Variants in SLC44A5 observed in about 807,000 individuals in gnomAD.
SLC44A5 encodes solute carrier family 44 member 5, also known as choline transporter-like protein 5.
In SLC44A5, 57 loss-of-function variants were observed where a neutral mutation model predicts 101.8. The ratio of observed to expected loss-of-function variants is 0.56; its 90% CI spans 0.45 to 0.70. The LOEUF (loss-of-function observed/expected upper bound fraction) is 0.70. SLC44A5 is among the 30% of genes least tolerant of loss of function. The probability of loss-of-function intolerance (pLI) is 0.00; values close to 1 mark genes in which losing one functional copy is unlikely to be tolerated. For synonymous variants in SLC44A5, 281 were observed against 290.9 expected (o/e 0.97, Z 0.35); for missense variants, 737 against 853.1 (o/e 0.86, Z 1.70).
intron 4 of SLC44A5, among the ~76,000 whole-genome samples, chr1:75,331,287 C>G (rs1251643427): frequency 1.3e-5 from 2 of 152,116 alleles, no homozygotes; most frequent in South Asian, 2.1e-4. Flanking sequence ...TTAACACAGG[C>G]AAAACAGAAG....
the SLC44A5 span, among the ~76,000 whole-genome samples, chr1:75,665,687 C>A: frequency 6.6e-6 from 1 of 152,098 alleles, no homozygotes; most frequent in Admixed American, 6.6e-5. Context: ...AAAATATTCG[C>A]AAACTATACA....
In SLC44A5 at chr1:75,282,687, G is replaced by A. The variant is rs528616202; in HGVS notation, c.176-7645C>T. On this transcript the variant is annotated intron_variant, in intron 5 of 23. Coordinates refer to ENST00000370859, the MANE Select transcript of SLC44A5 (RefSeq NM_001130058.2). ...CTGTTCTTGTGATAGTGAACAGCAA[G>A]TGAACCATACAGATCATGAGATCTA... Among the ~76,000 whole-genome samples, 60 of 152,280 alleles carry A rather than the reference G, an allele frequency of 3.9e-4. 1 individual carries two copies. The South Asian group carries it at 0.012, about 32-fold the overall frequency.
At chr1:75,432,294 T>C (rs1231002268) in intron 2 of SLC44A5, among the ~76,000 whole-genome samples, 2 of 152,152 alleles carry the variant, frequency 1.3e-5, no homozygotes, top group Non-Finnish European at 2.9e-5. Context: ...GCTTCTTTTA[T>C]CCCACTATGA....
chr1:75,367,714 G>A, intron 3 of SLC44A5, among the ~76,000 whole-genome samples: 1 of 152,190 alleles, frequency 6.6e-6, no homozygotes, highest in East Asian at 1.9e-4. Flanking sequence ...TAGGGGGATG[G>A]AGCTGTTTCC....
At chr1:75,576,659 C>A (rs748791952) in intron 1 of SLC44A5, among the ~76,000 whole-genome samples, 4 of 152,164 alleles carry the variant, frequency 2.6e-5, no homozygotes, top group Non-Finnish European at 2.9e-5. Flanking sequence ...TCTAAGCTAT[C>A]GCAAGTCCTA....
chr1:75,391,700 A>G (rs1661799522), intron 3 of SLC44A5, among the ~76,000 whole-genome samples: 2 of 152,296 alleles, frequency 1.3e-5, no homozygotes, highest in South Asian at 2.1e-4. Flanking sequence ...CCTCCTACCT[A>G]TCACCATATA....
the SLC44A5 span, among the ~76,000 whole-genome samples, chr1:75,627,812 C>G: frequency 0.012 from 1,780 of 150,502 alleles, 21 homozygotes; most frequent in Middle Eastern, 0.027. Context: ...CTAAGTTTTC[C>G]CATTTGCACA....
At chr1:75,536,822 C>T (rs57968487) in intron 2 of SLC44A5, among the ~76,000 whole-genome samples, 4 of 142,410 alleles carry the variant, frequency 2.8e-5, no homozygotes, top group South Asian at 2.2e-4. Flanking sequence ...CCGGCTAAAA[C>T]GGTGAAACCC....
chr1:75,236,996 C>A lies in SLC44A5; in HGVS notation c.731G>T (p.Trp244Leu). ...VFEDYARTWY[W>L]ILIGLTIAMV... is the part of the protein sequence containing the mutation. The stretch of plus-strand genomic sequence containing the variant: ...ATGTGTTTTCACTTACATGAGAATC[C>A]AATACCAAGTTCTTGCATAGTCTTC... Residue 244 changes from tryptophan to leucine, a missense_variant, in exon 11 of 24, where the codon TGG becomes TTG. By Grantham distance (61) the Trp-to-Leu change is moderately conservative. Coordinates refer to ENST00000370859, the MANE Select transcript of SLC44A5 (RefSeq NM_001130058.2). 1.0e-5 allele frequency: 16 copies of A among 1,587,072 alleles called. No homozygotes were observed. Among genetic ancestry groups the A allele is most frequent in the Non-Finnish European group, 1.4e-5 (16 of 1,159,032 alleles).
chr1:75,356,378 CAT>C (rs539699392), intron 3 of SLC44A5, among the ~76,000 whole-genome samples: 28 of 151,860 alleles, frequency 1.8e-4, no homozygotes, highest in African/African-American at 5.5e-4. Context: ...CCTAGGCTAA[CAT>C]GTATGTTTGT....
At chr1:75,466,655 T>TAA (rs754658767) in intron 2 of SLC44A5, among the ~76,000 whole-genome samples, 128 of 88,398 alleles carry the variant, frequency 1.4e-3, no homozygotes, top group African/African-American at 5.1e-3. Flanking sequence ...GATGCCATCT[T>TAA]AAAAAAAAAA....
chr1:75,543,690 TATATATAC>T (rs1171699817), intron 1 of SLC44A5, among the ~76,000 whole-genome samples: 8 of 14,490 alleles, frequency 5.5e-4, no homozygotes, highest in Non-Finnish European at 7.0e-4. Context: ...TATATACACA[TATATATAC>T]ATATATATAT....
At chr1:75,401,954 G>A (rs1352859070) in intron 2 of SLC44A5, among the ~76,000 whole-genome samples, 1 of 152,080 alleles carries the variant, frequency 6.6e-6, no homozygotes, top group East Asian at 1.9e-4. Flanking sequence ...AGTTAGAGAC[G>A]GCCCAGAGAA....
At chr1:75,218,889 C>T in intron 16 of SLC44A5, 137 bp from the exon 17 acceptor site, 1 of 762,058 alleles carries the variant, frequency 1.3e-6, no homozygotes, top group Non-Finnish European at 2.1e-6. Flanking sequence ...CCTCTATTTT[C>T]TGTTATATCA....
At chr1:75,615,472 C>CACACACACACAA (rs1675838764), upstream of SLC44A5, among the ~76,000 whole-genome samples, 4 of 119,312 alleles carry the variant, frequency 3.4e-5, no homozygotes, top group African/African-American at 1.1e-4. Context: ...CACACACACA[C>CACACACACACAA]ACACACGAGA....
At chr1:75,582,620 C>T (rs1018403977) in intron 1 of SLC44A5, 15 of 273,206 alleles carry the variant, frequency 5.5e-5, no homozygotes, top group Non-Finnish European at 9.5e-5. Flanking sequence ...CCTGCACTGC[C>T]GTCTGCATAG....
chr1:75,701,880 C>T, the SLC44A5 span, among the ~76,000 whole-genome samples: 2 of 152,058 alleles, frequency 1.3e-5, no homozygotes, highest in African/African-American at 2.4e-5. Context: ...AACAGAGAGC[C>T]AAATCATGAG....
chr1:75,617,532 C>T, the SLC44A5 span, among the ~76,000 whole-genome samples: 1 of 152,184 alleles, frequency 6.6e-6, no homozygotes, highest in South Asian at 2.1e-4. Flanking sequence ...ACAAAATCAT[C>T]ACAAGTTATT....
intron 3 of SLC44A5, among the ~76,000 whole-genome samples, chr1:75,345,219 G>T (rs1269625846): frequency 6.6e-6 from 1 of 152,082 alleles, no homozygotes; most frequent in Non-Finnish European, 1.5e-5. Context: ...TTCAGTATCT[G>T]ATTGTAATGT....
Sources: gnomAD v4.1 joint callset for allele counts (sites outside exome capture counted in the v4.1 genomes callset) on GRCh38, gnomAD v4.1.1 for gene constraint, MANE v1.5 for transcripts, NCBI Gene and HGNC (gene_info 2026-07-23, HGNC 2026-07-21) for gene names.